The following CREB5 variants were observed in gnomAD, a reference collection of about 807,000 sequenced individuals.
The protein encoded by CREB5 is cAMP responsive element binding protein 5, also known as cyclic AMP-responsive element-binding protein 5.
CREB5 carries 19 observed loss-of-function variants against 57.1 expected under a neutral mutation model. That is an observed-to-expected ratio of 0.33 (90% confidence interval 0.23 to 0.49). The LOEUF is 0.49. CREB5 is among the 20% of genes least tolerant of loss of function. The probability of loss-of-function intolerance (pLI) is 0.99; values close to 1 mark genes in which losing one functional copy is unlikely to be tolerated. For missense variants in CREB5, 579 were observed against 671.6 expected, an observed-to-expected ratio of 0.86 and a Z score of 1.52; for synonymous variants, 238 against 238.3, an observed-to-expected ratio of 1.00 and a Z score of 0.01.
At chr7:28,431,171 C>T (rs1397031418) in intron 1 of CREB5, among the ~76,000 whole-genome samples, 1 of 152,154 alleles carries the variant, frequency 6.6e-6, no homozygotes, top group Admixed American at 6.5e-5. Flanking sequence ...AAGTGACATC[C>T]CATCTCATTT....
At chr7:28,420,716 G>T (rs1788210544) in intron 1 of CREB5, among the ~76,000 whole-genome samples, 1 of 150,028 alleles carries the variant, frequency 6.7e-6, no homozygotes, top group Non-Finnish European at 1.5e-5. Flanking sequence ...GCTGGGACAG[G>T]AGTATCGCTT....
chr7:28,817,510 G>A (rs1052184227), intron 9 of CREB5, among the ~76,000 whole-genome samples: 1 of 152,170 alleles, frequency 6.6e-6, no homozygotes, highest in Admixed American at 6.5e-5. Flanking sequence ...ATTTCAGGTG[G>A]AAGCCACAAA....
chr7:28,623,395 A>C (rs1051308784), intron 5 of CREB5, among the ~76,000 whole-genome samples: 2 of 152,222 alleles, frequency 1.3e-5, no homozygotes, highest in Non-Finnish European at 2.9e-5. Context: ...CATAAAAAAG[A>C]GTCTTTATAT....
At chr7:28,338,658 C>T (rs1785874293) in intron 1 of CREB5, among the ~76,000 whole-genome samples, 1 of 152,106 alleles carries the variant, frequency 6.6e-6, no homozygotes, top group South Asian at 2.1e-4. Flanking sequence ...CTATTGACAT[C>T]TCTCCCTAGG....
At chr7:28,335,870 C>T (rs891567696) in intron 1 of CREB5, among the ~76,000 whole-genome samples, 5 of 151,832 alleles carry the variant, frequency 3.3e-5, no homozygotes, top group African/African-American at 9.7e-5. Flanking sequence ...TGTTATGTTC[C>T]GTCTATACCC....
intron 5 of CREB5, among the ~76,000 whole-genome samples, chr7:28,613,283 T>C (rs1016655553): frequency 1.3e-5 from 2 of 152,236 alleles, no homozygotes; most frequent in African/African-American, 4.8e-5. Flanking sequence ...TTAAGGTTCA[T>C]TGCAATATAT....
In CREB5 at chr7:28,464,713, A is replaced by G. The variant is rs1352893291; in HGVS notation, c.4-23462A>G. On this transcript the variant is annotated intron_variant, in intron 1 of 10. Transcript: ENST00000357727. ...TACTTTTGTTTCAAGTTATTTTTAA[A>G]AAAAAAAAAAAGACTGCTAAACTTT... 2.0e-5 allele frequency among the ~76,000 whole-genome samples: 3 copies of G among 150,520 alleles called. No individual in the cohort carries two copies. The South Asian group carries it at 6.2e-4, about 31-fold the overall frequency.
At chr7:28,606,587 T>C (rs1454200594) in intron 5 of CREB5, among the ~76,000 whole-genome samples, 2 of 152,198 alleles carry the variant, frequency 1.3e-5, no homozygotes, top group Non-Finnish European at 2.9e-5. Context: ...CAGAACTGAT[T>C]CCTACTTAGC....
intron 5 of CREB5, among the ~76,000 whole-genome samples, chr7:28,604,234 T>C (rs1797030982): frequency 6.6e-6 from 1 of 152,214 alleles, no homozygotes. Flanking sequence ...TCACCACCTC[T>C]GCACACTTGA....
At chr7:28,502,696 A>G (rs1284319482) in intron 3 of CREB5, among the ~76,000 whole-genome samples, 1 of 152,222 alleles carries the variant, frequency 6.6e-6, no homozygotes, top group Non-Finnish European at 1.5e-5. Flanking sequence ...CATTATTTTC[A>G]CAGTCCTTTA....
At chr7:28,598,230 C>T (rs1032490434) in intron 5 of CREB5, among the ~76,000 whole-genome samples, 3 of 152,134 alleles carry the variant, frequency 2.0e-5, no homozygotes, top group African/African-American at 7.2e-5. Context: ...GGGGTTTCCG[C>T]TTTTGCTTCT....
At chr7:28,518,575 A>C (rs2128613804) in intron 4 of CREB5, among the ~76,000 whole-genome samples, 1 of 152,334 alleles carries the variant, frequency 6.6e-6, no homozygotes, top group Middle Eastern at 3.4e-3. Flanking sequence ...GCCTTTGGAT[A>C]AGGAAGCCTG....
intron 5 of CREB5, among the ~76,000 whole-genome samples, chr7:28,688,290 G>A (rs951470388): frequency 3.3e-5 from 5 of 152,086 alleles, no homozygotes; most frequent in Non-Finnish European, 7.4e-5. Flanking sequence ...GAGTAGACAA[G>A]GGGGAGAATT....
At chr7:28,374,949 G>T (rs1216344285) in intron 1 of CREB5, among the ~76,000 whole-genome samples, 2 of 152,158 alleles carry the variant, frequency 1.3e-5, no homozygotes, top group Admixed American at 1.3e-4. Context: ...CTGTTAGAAA[G>T]TTCTTCCCTC....
chr7:28,815,293 AAAG>A (rs1342968088), intron 9 of CREB5, among the ~76,000 whole-genome samples: 2 of 152,186 alleles, frequency 1.3e-5, no homozygotes. Context: ...AAAAAGAAAA[AAAG>A]AATATGTTCA....
At chr7:28,649,911 C>G (rs182541196) in intron 5 of CREB5, among the ~76,000 whole-genome samples, 1 of 152,260 alleles carries the variant, frequency 6.6e-6, no homozygotes, top group East Asian at 1.9e-4. Flanking sequence ...CTAGAAAACA[C>G]TTAGGACAAT....
intron 1 of CREB5, among the ~76,000 whole-genome samples, chr7:28,480,779 C>A (rs1028883616): frequency 6.6e-6 from 1 of 152,192 alleles, no homozygotes; most frequent in Non-Finnish European, 1.5e-5. Flanking sequence ...GACCTAAATG[C>A]GGTTCATACG....
At chr7:28,770,028 C>T (rs1003578899) in intron 7 of CREB5, among the ~76,000 whole-genome samples, 6 of 152,160 alleles carry the variant, frequency 3.9e-5, no homozygotes, top group Non-Finnish European at 8.8e-5. Context: ...TGCTGGCCCG[C>T]GACAGACAGG....
chr7:28,609,764 A>G (rs1797314558), intron 5 of CREB5, among the ~76,000 whole-genome samples: 1 of 152,164 alleles, frequency 6.6e-6, no homozygotes, highest in Non-Finnish European at 1.5e-5. Context: ...GTCTGCTGGG[A>G]GCCCACAGCT....
Sources: allele counts gnomAD v4.1 joint callset (sites outside exome capture counted in the v4.1 genomes callset), GRCh38; gene constraint gnomAD v4.1.1; transcripts MANE v1.5; gene names NCBI Gene and HGNC (gene_info 2026-07-23, HGNC 2026-07-21).